Variants in THRB observed in about 807,000 individuals in gnomAD.
THRB encodes the protein thyroid hormone receptor beta.
In THRB, 12 loss-of-function variants were observed where a neutral mutation model predicts 47.8. That is an observed-to-expected ratio of 0.25 (90% CI 0.16 to 0.41). The LOEUF (loss-of-function observed/expected upper bound fraction) is 0.41, where lower values mean the gene tolerates loss of function less well. THRB is among the 10% of genes least tolerant of loss of function. The pLI, the probability that THRB is intolerant of heterozygous loss-of-function variation, is 1.00. For synonymous variants in THRB, 218 were observed against 212.2 expected, an observed-to-expected ratio of 1.03 and a Z score of -0.24; for missense variants, 348 against 589.2, an observed-to-expected ratio of 0.59 and a Z score of 4.24.
At chr3:24,471,279 C>T (rs960723415) in intron 1 of THRB, among the ~76,000 whole-genome samples, 1 of 152,164 alleles carries the variant, frequency 6.6e-6, no homozygotes, top group African/African-American at 2.4e-5. Context: ...GAATCAGAAA[C>T]TCTGGGGATG....
At chr3:24,345,320 CCAAA>C in intron 1 of THRB, among the ~76,000 whole-genome samples, 1 of 152,100 alleles carries the variant, frequency 6.6e-6, no homozygotes, top group Admixed American at 6.6e-5. Context: ...TAGAGGATCG[CCAAA>C]CAAAGCATGG....
chr3:24,495,603 T>G (rs936170891), upstream of THRB: 4 of 152,340 alleles, frequency 2.6e-5, no homozygotes, highest in African/African-American at 9.6e-5. Flanking sequence ...GGTGCGGGTT[T>G]GGGCGTCATT....
intron 3 of THRB, among the ~76,000 whole-genome samples, chr3:24,271,521 C>T (rs1423828301): frequency 6.6e-6 from 1 of 152,166 alleles, no homozygotes; most frequent in African/African-American, 2.4e-5. Flanking sequence ...GCACACTGAA[C>T]TTGATCAGGG....
chr3:24,305,491 T>C (rs2057275415), intron 2 of THRB, among the ~76,000 whole-genome samples: 1 of 152,178 alleles, frequency 6.6e-6, no homozygotes, highest in Admixed American at 6.5e-5. Flanking sequence ...AGTATTAATG[T>C]TAGCAGCTGC....
chr3:24,146,413 C>T (rs1272464491), intron 7 of THRB, among the ~76,000 whole-genome samples: 5 of 152,216 alleles, frequency 3.3e-5, no homozygotes, highest in African/African-American at 1.2e-4. Flanking sequence ...GATAATTTAA[C>T]TGCATTTCCT....
chr3:24,480,772 G>A (rs1696237095), intron 1 of THRB, among the ~76,000 whole-genome samples: 1 of 152,144 alleles, frequency 6.6e-6, no homozygotes, highest in Non-Finnish European at 1.5e-5. Context: ...TCCCTTCAGG[G>A]CAATGTCCAA....
chr3:24,235,317 G>A (rs2048748048), intron 3 of THRB, among the ~76,000 whole-genome samples: 1 of 152,018 alleles, frequency 6.6e-6, no homozygotes, highest in African/African-American at 2.4e-5. Context: ...AGCACTGAAG[G>A]GGCATCTGTA....
chr3:24,152,606 CAG>C (rs2037141066), intron 5 of THRB, 116 bp from the exon 6 acceptor site: 2 of 701,750 alleles, frequency 2.9e-6, no homozygotes, highest in African/African-American at 3.5e-5. Flanking sequence ...GAGGTAACAA[CAG>C]TAAAGACTTA....
At chr3:24,429,405 A>T (rs1200895187) in intron 1 of THRB, among the ~76,000 whole-genome samples, 2 of 151,924 alleles carry the variant, frequency 1.3e-5, no homozygotes, top group Non-Finnish European at 2.9e-5. Context: ...AAGTCTTACA[A>T]GATATCCTCA....
chr3:24,121,218 C>G lies in THRB; in HGVS notation c.*1666G>C, dbSNP rs1406178449. The G allele has an allele frequency of 6.6e-6, 1 of 152,150 alleles. No individual in the cohort carries two copies. The highest frequency in any genetic ancestry group is 1.5e-5 in the Non-Finnish European group (1 of 67,974). 9.4% of individuals were successfully genotyped at this position (152,150 alleles called of 1,614,324 possible). A position where few individuals can be genotyped will look rare whatever the true frequency, so the allele number is the denominator to read the frequency against. ...TGACTTATTCACCAGGTAAGAAAAC[C>G]AAGACCTAGAATTACAAATCTACCA... On this transcript the variant is annotated 3_prime_UTR_variant, in exon 11 of 11. Coordinates refer to ENST00000646209, the MANE Select transcript of THRB (RefSeq NM_001354712.2).
chr3:24,121,845 C>G lies in THRB; in HGVS notation c.*1039G>C, dbSNP rs570217495. 1.3e-5 allele frequency: 2 copies of G among 152,370 alleles called. No homozygotes were observed. The highest frequency in any genetic ancestry group is 2.9e-5 in the Non-Finnish European group (2 of 68,062). The allele number at this position is 152,370 out of a possible 1,614,324, so 9.4% of individuals were successfully genotyped here. ...AAGGGGCCCTCAGAACACTGCATTTCCTTCAACTCAGAATGTAGCTGCACT... is the reference window on the plus strand; with the variant it reads ...AAGGGGCCCTCAGAACACTGCATTTGCTTCAACTCAGAATGTAGCTGCACT... On this transcript the variant is annotated 3_prime_UTR_variant, in exon 11 of 11. Transcript: ENST00000646209.
chr3:24,216,031 G>C (rs977484649), intron 4 of THRB, among the ~76,000 whole-genome samples: 1 of 152,208 alleles, frequency 6.6e-6, no homozygotes. Context: ...ATTTATTGCA[G>C]TGGAGAGCAT....
At chr3:24,141,017 C>G (rs2148977500) in intron 8 of THRB, among the ~76,000 whole-genome samples, 1 of 152,336 alleles carries the variant, frequency 6.6e-6, no homozygotes, top group Admixed American at 6.5e-5. Context: ...CCTGATCCTT[C>G]CCAATAACCC....
At chr3:24,192,170 G>C (rs2043433528) in intron 4 of THRB, among the ~76,000 whole-genome samples, 1 of 152,134 alleles carries the variant, frequency 6.6e-6, no homozygotes, top group Non-Finnish European at 1.5e-5. Flanking sequence ...CCATTAAAAG[G>C]CAACAACAGA....
At chr3:24,248,833 T>C (rs1483887951) in intron 3 of THRB, among the ~76,000 whole-genome samples, 2 of 152,236 alleles carry the variant, frequency 1.3e-5, no homozygotes, top group Non-Finnish European at 2.9e-5. Context: ...TAGGTCCTAC[T>C]AATTTCATCT....
chr3:24,130,030 C>A (rs1262536347), intron 9 of THRB, among the ~76,000 whole-genome samples: 1 of 152,204 alleles, frequency 6.6e-6, no homozygotes, highest in Admixed American at 6.5e-5. Context: ...CCATGGGTAG[C>A]TCACGAACCT....
In THRB at chr3:24,117,437, G is replaced by C. The variant is rs182259285; in HGVS notation, c.*5447C>G. The C allele has an allele frequency of 3.3e-5, 5 of 152,374 alleles. No individual in the cohort carries two copies. 9.4% of individuals were successfully genotyped at this position (152,374 alleles called of 1,614,324 possible). ...CCCCTCACCCAGTTCCAGGATTCCT[G>C]AGGATAAGGTTGGTTATGCATCTGT... On this transcript the variant is annotated 3_prime_UTR_variant, in exon 11 of 11. Transcript: ENST00000646209.
rs922239171 is a variant in THRB at position 24,133,525 on chromosome 3, T to C, written c.739-63A>G. The C allele has an allele frequency of 2.0e-6, 3 of 1,489,166 alleles. No individual in the cohort carries two copies. The African/African-American group carries it at 4.1e-5, about 21-fold the overall frequency. The allele number at this position is 1,489,166 out of a possible 1,614,324, so 92.2% of individuals were successfully genotyped here. A position where few individuals can be genotyped will look rare whatever the true frequency, so the allele number is the denominator to read the frequency against. On this transcript the variant is annotated intron_variant, in intron 8 of 10. Transcript: ENST00000646209. ...TTGAAGGGAGCTTTATTTATCATAG[T>C]TCTTATGTGGCAGAAAATCTCTTCT...
intron 1 of THRB, among the ~76,000 whole-genome samples, chr3:24,369,764 C>G (rs936573244): frequency 2.0e-4 from 30 of 152,156 alleles, no homozygotes; most frequent in Non-Finnish European, 1.5e-4. Flanking sequence ...ACTGAAACAA[C>G]TGAAGATGTA....
Sources: allele counts gnomAD v4.1 joint callset (sites outside exome capture counted in the v4.1 genomes callset), GRCh38; gene constraint gnomAD v4.1.1; transcripts MANE v1.5; gene names NCBI Gene and HGNC (gene_info 2026-07-23, HGNC 2026-07-21).